The following AGL variants were observed in gnomAD, a reference collection of about 807,000 sequenced individuals.
The protein encoded by AGL is amylo-alpha-1,6-glucosidase and 4-alpha-glucanotransferase.
Under a neutral mutation model 199.3 loss-of-function variants are expected in AGL, and 128 were observed. The observed-to-expected ratio is 0.64, with a 90% confidence interval of 0.56 to 0.74. AGL has a LOEUF of 0.74. AGL is among the 30% of genes least tolerant of loss of function. The pLI is 0.00. For synonymous variants in AGL, 584 were observed against 594.7 expected (o/e 0.98, Z 0.26); for missense variants, 1,809 against 1,820.8 (o/e 0.99, Z 0.12).
intron 27 of AGL, among the ~76,000 whole-genome samples, chr1:99,905,645 G>A (rs1439689054): frequency 6.6e-6 from 1 of 152,178 alleles, no homozygotes; most frequent in Admixed American, 6.5e-5. Context: ...GTGCATCATA[G>A]CTCACTCAAC....
intron 25 of AGL, among the ~76,000 whole-genome samples, chr1:99,897,105 G>A (rs757852736): frequency 1.3e-5 from 2 of 152,260 alleles, no homozygotes; most frequent in Admixed American, 1.3e-4. Context: ...GTGAGCCACC[G>A]TGCCCGGCCG....
At chr1:99,878,289 G>A (rs1162753628) in intron 12 of AGL, among the ~76,000 whole-genome samples, 1 of 150,684 alleles carries the variant, frequency 6.6e-6, no homozygotes, top group Non-Finnish European at 1.5e-5. Context: ...AGGTTGCAGT[G>A]AGCCGAGATC....
At chr1:99,905,970 A>G (rs1654255262) in intron 27 of AGL, among the ~76,000 whole-genome samples, 1 of 152,082 alleles carries the variant, frequency 6.6e-6, no homozygotes, top group African/African-American at 2.4e-5. Flanking sequence ...TTATTGTGGT[A>G]AAATAGACAT....
At chr1:99,870,948 C>T (rs961456518) in intron 7 of AGL, 79 bp downstream of exon 7, 7 of 848,768 alleles carry the variant, frequency 8.2e-6, no homozygotes, top group African/African-American at 3.5e-5. Context: ...TTTTGGGTAA[C>T]GTCATTATTA....
chr1:99,879,324 C>T (rs3956694), intron 12 of AGL, among the ~76,000 whole-genome samples: 17 of 152,016 alleles, frequency 1.1e-4, no homozygotes, highest in East Asian at 1.9e-4. Flanking sequence ...CGGTGGCTCA[C>T]GCCTGTAATC....
chr1:99,908,437 A>G (rs149871135), intron 27 of AGL, among the ~76,000 whole-genome samples: 111 of 152,302 alleles, frequency 7.3e-4, no homozygotes, highest in Admixed American at 2.4e-3. Context: ...TTTTGAAATG[A>G]GGAAGCATGA....
chr1:99,912,851 C>A lies in AGL; in HGVS notation c.3949+334C>A, dbSNP rs534354491. On this transcript the variant is annotated intron_variant, in intron 29 of 33. Coordinates refer to ENST00000361915, the MANE Select transcript of AGL (RefSeq NM_000642.3). ...ATAGTGCTGTCCAAAATAATGTGAA[C>A]CACATACATAATTTTAAATTTTATA... 1.1e-4 allele frequency among the ~76,000 whole-genome samples: 16 copies of A among 152,210 alleles called. No individual in the cohort carries two copies. In the South Asian group the frequency reaches 3.3e-3, roughly 32 times the overall value.
chr1:99,875,266 A>G lies in AGL; in HGVS notation c.1185+10A>G. 2 of 1,613,164 alleles carry G rather than the reference A, an allele frequency of 1.2e-6. No individual in the cohort carries two copies. Among genetic ancestry groups the G allele is most frequent in the Non-Finnish European group, 8.5e-7 (1 of 1,179,124 alleles). On this transcript the variant is annotated intron_variant, in intron 9 of 33. Transcript: ENST00000361915. ...CTATCATCAGGAACAGGTTTTACTT[A>G]TTTTTGAACTGCTGCTTTTCCTTGC...
intron 25 of AGL, among the ~76,000 whole-genome samples, chr1:99,898,298 A>G (rs1350859935): frequency 2.0e-5 from 3 of 152,092 alleles, no homozygotes; most frequent in Non-Finnish European, 2.9e-5. Flanking sequence ...CGCCTGCCTC[A>G]TCCTCCCAAA....
chr1:99,850,983 C>G lies in AGL; in HGVS notation c.-60C>G. On this transcript the variant is annotated 5_prime_UTR_variant, in exon 2 of 34. Transcript: ENST00000361915. ...TCCTTTTTGTTTCATAGGGGTAACT[C>G]ATTCGACTGTGGAGTTCTTTTAATT... The G allele has an allele frequency of 7.4e-7, 1 of 1,354,140 alleles. No individual in the cohort carries two copies. Among genetic ancestry groups the G allele is most frequent in the South Asian group, 1.2e-5 (1 of 85,618 alleles). The allele number at this position is 1,354,140 out of a possible 1,614,324, so 83.9% of individuals were successfully genotyped here.
intron 2 of AGL, chr1:99,852,783 T>C: frequency 1.3e-6 from 1 of 773,788 alleles, no homozygotes; most frequent in South Asian, 1.3e-5. Flanking sequence ...GAATTTTTTG[T>C]GATAAAGCCC....
At chr1:99,853,210 C>G (rs1649124253) in intron 2 of AGL, among the ~76,000 whole-genome samples, 1 of 152,140 alleles carries the variant, frequency 6.6e-6, no homozygotes, top group East Asian at 1.9e-4. Context: ...TGTCTGACTT[C>G]TAAGACATTC....
At chr1:99,863,748 C>A (rs910041554) in intron 4 of AGL, among the ~76,000 whole-genome samples, 1 of 118,884 alleles carries the variant, frequency 8.4e-6, no homozygotes, top group East Asian at 2.5e-4. Context: ...TGCGCCTGGC[C>A]TTTTTTTTTT....
At chr1:99,873,433 C>CTTTTT (rs553707025) in intron 7 of AGL, among the ~76,000 whole-genome samples, 1 of 131,172 alleles carries the variant, frequency 7.6e-6, no homozygotes, top group African/African-American at 2.8e-5. Context: ...TGGCAGTGTT[C>CTTTTT]TTTTTTTTTT....
intron 5 of AGL, among the ~76,000 whole-genome samples, chr1:99,866,887 C>T (rs1420171561): frequency 4.0e-5 from 6 of 151,608 alleles, no homozygotes; most frequent in Middle Eastern, 6.8e-3. Context: ...GGCGCGATCT[C>T]GGCTCACCGC....
chr1:99,896,211 C>G, intron 24 of AGL, 75 bp from the exon 25 acceptor site: 2 of 1,267,944 alleles, frequency 1.6e-6, no homozygotes, highest in Non-Finnish European at 1.2e-6. Flanking sequence ...AGTAACTGTT[C>G]TATAGTAATG....
rs527688814 is a variant in AGL at position 99,912,659 on chromosome 1, G to C, written c.3949+142G>C. 2.4e-4 allele frequency: 168 copies of C among 700,892 alleles called. No individual in the cohort carries two copies. In the South Asian group the frequency reaches 3.0e-3, roughly 13 times the overall value. The allele number at this position is 700,892 out of a possible 1,614,324, so 43.4% of individuals were successfully genotyped here. ...AAAGAAAATTCATTAATTTACTAGT[G>C]TGAAAATTGTAACAATTCTAGTTGA... On this transcript the variant is annotated intron_variant, in intron 29 of 33. Transcript: ENST00000361915.
At chr1:99,874,101 C>G (rs1651266130) in intron 7 of AGL, among the ~76,000 whole-genome samples, 1 of 151,716 alleles carries the variant, frequency 6.6e-6, no homozygotes. Context: ...AGTATTAAAC[C>G]TGTGTGCTTC....
intron 21 of AGL, among the ~76,000 whole-genome samples, chr1:99,890,442 G>T (rs1332826396): frequency 6.6e-6 from 1 of 152,038 alleles, no homozygotes. Flanking sequence ...TTGAGGGAAA[G>T]AACTTTATCT....
Sources: allele counts gnomAD v4.1 joint callset (sites outside exome capture counted in the v4.1 genomes callset), GRCh38; gene constraint gnomAD v4.1.1; transcripts MANE v1.5; gene names NCBI Gene and HGNC (gene_info 2026-07-23, HGNC 2026-07-21).